Variants in ZC3H12D observed in about 807,000 individuals in gnomAD.
ZC3H12D encodes the protein zinc finger CCCH-type containing 12D.
A neutral mutation model predicts 24.2 loss-of-function variants in ZC3H12D; 11 were observed. The observed-to-expected ratio is 0.46, with a 90% CI of 0.29 to 0.75. ZC3H12D has a LOEUF of 0.75. Among genes scored for constraint, ZC3H12D ranks in the 30% least tolerant of loss-of-function variants. The pLI, the probability that ZC3H12D is intolerant of heterozygous loss-of-function variation, is 0.11. For missense variants in ZC3H12D, 740 were observed against 767.7 expected (o/e 0.96, Z 0.43); for synonymous variants, 333 against 341.8 (o/e 0.97, Z 0.28).
intron 2 of ZC3H12D, among the ~76,000 whole-genome samples, chr6:149,471,664 T>C (rs1282136220): frequency 1.3e-5 from 2 of 152,244 alleles, no homozygotes; most frequent in Non-Finnish European, 2.9e-5. Flanking sequence ...TTGCTGGCTT[T>C]GAAGATAGAA....
At chr6:149,454,270 G>T (rs1433681119) in intron 4 of ZC3H12D, among the ~76,000 whole-genome samples, 5 of 152,226 alleles carry the variant, frequency 3.3e-5, no homozygotes, top group South Asian at 2.1e-4. Context: ...CGCTGAGTGA[G>T]GTCCACTTTT....
chr6:149,450,599 C>G lies in ZC3H12D; in HGVS notation c.*84G>C. ...AAGGGGGCACCATGATGGGCCCACT[C>G]AGGTCCAGGCTGGCAACCACAGGTC... is the stretch of plus-strand genomic sequence containing the variant. On this transcript the variant is annotated 3_prime_UTR_variant, in exon 6 of 6. Coordinates refer to ENST00000409806, the MANE Select transcript of ZC3H12D (RefSeq NM_207360.3). The G allele has an allele frequency of 1.5e-6, 2 of 1,332,562 alleles. No homozygotes were observed. The highest frequency in any genetic ancestry group is 2.0e-6 in the Non-Finnish European group (2 of 1,007,284). The allele number at this position is 1,332,562 out of a possible 1,614,324, so 82.5% of individuals were successfully genotyped here. A position where few individuals can be genotyped will look rare whatever the true frequency, so the allele number is the denominator to read the frequency against.
Position 149,450,659 on chromosome 6 carries a change from T to C in ZC3H12D, c.*24A>G, listed in dbSNP as rs1194196343. 6.7e-6 allele frequency: 10 copies of C among 1,490,690 alleles called. No individual in the cohort carries two copies. The highest frequency in any genetic ancestry group is 9.0e-6 in the Non-Finnish European group (10 of 1,116,652). 92.3% of individuals were successfully genotyped at this position (1,490,690 alleles called of 1,614,324 possible). On this transcript the variant is annotated 3_prime_UTR_variant, in exon 6 of 6. Transcript: ENST00000409806. ...AAGACGCAAGGCGAGGCTGGGCCAT[T>C]CCCTGCAAGTGCGTGTTGGTCCCTT...
chr6:149,459,615 C>G (rs1380774901), intron 3 of ZC3H12D: 1 of 716,398 alleles, frequency 1.4e-6, no homozygotes, highest in Non-Finnish European at 2.6e-6. Flanking sequence ...AACAGGTGAG[C>G]TGAGCTACTC....
rs958319846 is a variant in ZC3H12D, at chr6:149,449,128, G to A, written c.*1555C>T. On this transcript the variant is annotated 3_prime_UTR_variant, in exon 6 of 6. Coordinates refer to ENST00000409806, the MANE Select transcript of ZC3H12D (RefSeq NM_207360.3). Reference sequence around the variant, plus strand: ...TCTGGCAGCACCATCTCACTTCTTAGCCATTGCAAATGAGTAGGCCCTTTC... The same window carrying A: ...TCTGGCAGCACCATCTCACTTCTTAACCATTGCAAATGAGTAGGCCCTTTC... 1 of 152,210 alleles carries A rather than the reference G, an allele frequency of 6.6e-6. No individual in the cohort carries two copies. Among genetic ancestry groups the A allele is most frequent in the Non-Finnish European group, 1.5e-5 (1 of 68,050 alleles). The allele number at this position is 152,210 out of a possible 1,614,324, so 9.4% of individuals were successfully genotyped here.
Position 149,456,984 on chromosome 6 carries a change from C to A in ZC3H12D, c.446-84G>T. ...ACCCCCAACGCGAGGCCACCCGCTT[C>A]CCGGGCCGGTCAGATGAGGTTTTGA... On this transcript the variant is annotated intron_variant, in intron 3 of 5. Transcript: ENST00000409806. The surrounding 1 kb of genome is among the most constrained non-coding windows in gnomAD (Gnocchi z 4.3). 1 of 1,374,386 alleles carries A rather than the reference C, an allele frequency of 7.3e-7. No homozygotes were observed. The highest frequency in any genetic ancestry group is 9.9e-7 in the Non-Finnish European group (1 of 1,006,484). The allele number at this position is 1,374,386 out of a possible 1,614,324, so 85.1% of individuals were successfully genotyped here.
chr6:149,474,793 T>A (rs1344501513), intron 1 of ZC3H12D, among the ~76,000 whole-genome samples, 180 bp from the exon 2 acceptor site: 3 of 152,194 alleles, frequency 2.0e-5, no homozygotes, highest in African/African-American at 7.2e-5. Flanking sequence ...TCACGCTGCT[T>A]TCACAGTGAG....
At chr6:149,457,316 G>A (rs1394800106) in intron 3 of ZC3H12D, among the ~76,000 whole-genome samples, 1 of 152,208 alleles carries the variant, frequency 6.6e-6, no homozygotes, top group East Asian at 1.9e-4. Context: ...CCTTCAGCAT[G>A]ACGGGGAGCC....
At position 149,452,658 on chromosome 6, in the gene ZC3H12D, T is replaced by A; in HGVS notation, c.745A>T (p.Lys249Ter). 6.2e-7 allele frequency: 1 copy of A among 1,607,546 alleles called. No homozygotes were observed. Among genetic ancestry groups the A allele is most frequent in the Non-Finnish European group, 8.5e-7 (1 of 1,177,586 alleles). ...GPSLSNFLSR[K>*]PKPPEPSWQH... ...CAGGATGGCTCTGGGGGCTTCGGCT[T>A]CCTGCTCAGGAAGTTGCTCAGGGAG... The change falls in exon 5 of 6, where the codon AAG becomes TAG. Residue 249 changes from lysine (K) to a stop codon, truncating the protein, a stop_gained. Coordinates refer to ENST00000409806, the MANE Select transcript of ZC3H12D (RefSeq NM_207360.3). LOFTEE classifies it low-confidence loss of function (END_TRUNC). The surrounding 1 kb of genome is among the most constrained non-coding windows in gnomAD (Gnocchi z 4.0).
Position 149,450,519 on chromosome 6 carries a change from C to T in ZC3H12D, c.*164G>A, listed in dbSNP as rs1335241088. The T allele has an allele frequency of 4.0e-6, 3 of 742,712 alleles. No individual in the cohort carries two copies. The highest frequency in any genetic ancestry group is 7.9e-4 in the Middle Eastern group (2 of 2,534). 46.0% of individuals were successfully genotyped at this position (742,712 alleles called of 1,614,324 possible). ...TGAGGATCACCAAGTGCCACCAGGCCCCCACAACCCCGCTCAGGAGGAGGA... is the reference window on the plus strand; with the variant it reads ...TGAGGATCACCAAGTGCCACCAGGCTCCCACAACCCCGCTCAGGAGGAGGA... On this transcript the variant is annotated 3_prime_UTR_variant, in exon 6 of 6. Transcript: ENST00000409806.
intron 4 of ZC3H12D, among the ~76,000 whole-genome samples, chr6:149,454,605 T>C (rs1370368645): frequency 6.6e-6 from 1 of 152,232 alleles, no homozygotes; most frequent in East Asian, 1.9e-4. Flanking sequence ...AAGAGGGCCC[T>C]GTGGACGTGC....
chr6:149,472,584 C>T lies in ZC3H12D; in HGVS notation c.305+1655G>A, dbSNP rs184044654. On this transcript the variant is annotated intron_variant, in intron 2 of 5. Transcript: ENST00000409806. ...GGGGGATCAATGGATGTACCCACGA[C>T]ACATTATGGTCATGTGCAAACAGAG... 2.1e-3 allele frequency among the ~76,000 whole-genome samples: 313 copies of T among 152,128 alleles called. 1 individual carries two copies. Among genetic ancestry groups the T allele is most frequent in the African/African-American group, 7.1e-3 (296 of 41,498 alleles).
chr6:149,450,619 C>G lies in ZC3H12D; in HGVS notation c.*64G>C. ...CCACTCAGGTCCAGGCTGGCAACCA[C>G]AGGTCCACCCGTCCAAGACGCAAGG... On this transcript the variant is annotated 3_prime_UTR_variant, in exon 6 of 6. Coordinates refer to ENST00000409806, the MANE Select transcript of ZC3H12D (RefSeq NM_207360.3). 7.0e-7 allele frequency: 1 copy of G among 1,427,508 alleles called. No individual in the cohort carries two copies. Among genetic ancestry groups the G allele is most frequent in the Non-Finnish European group, 9.2e-7 (1 of 1,083,386 alleles). The allele number at this position is 1,427,508 out of a possible 1,614,324, so 88.4% of individuals were successfully genotyped here. A position where few individuals can be genotyped will look rare whatever the true frequency, so the allele number is the denominator to read the frequency against.
chr6:149,472,836 T>C (rs1360595337), intron 2 of ZC3H12D, among the ~76,000 whole-genome samples: 2 of 152,204 alleles, frequency 1.3e-5, no homozygotes, highest in Non-Finnish European at 2.9e-5. Flanking sequence ...CTTCCTTCTA[T>C]GGAAGCCCAG....
In ZC3H12D at chr6:149,456,763, C is replaced by G; in HGVS notation, c.583G>C (p.Val195Leu). ...AGGTCCCGGTAGTTGTCGTTGGAGACGATGACGCCGTCCTGCTCGTAGGCC... is the reference window on the plus strand; with the variant it reads ...AGGTCCCGGTAGTTGTCGTTGGAGAGGATGACGCCGTCCTGCTCGTAGGCC... ...KVAYEQDGVI[V>L]SNDNYRDLQS... is the part of the protein sequence containing the mutation. The change falls in exon 4 of 6, where the codon GTC becomes CTC. Residue 195 changes from valine to leucine, a missense_variant. By Grantham distance (32) the Val-to-Leu change is conservative. Transcript: ENST00000409806. The surrounding 1 kb of genome is among the most constrained non-coding windows in gnomAD (Gnocchi z 4.3). 3 of 1,613,788 alleles carry G rather than the reference C, an allele frequency of 1.9e-6. No individual in the cohort carries two copies. Among genetic ancestry groups the G allele is most frequent in the Non-Finnish European group, 2.5e-6 (3 of 1,179,808 alleles).
chr6:149,457,066 A>G (rs2744430), intron 3 of ZC3H12D, among the ~76,000 whole-genome samples, 166 bp from the exon 4 acceptor site: 76,299 of 152,086 alleles, frequency 0.5, 19,980 homozygotes, highest in East Asian at 0.74. Context: ...CCTTTCACTC[A>G]ATTTCACTGA....
At chr6:149,459,221 A>G (rs1776034982) in intron 3 of ZC3H12D, among the ~76,000 whole-genome samples, 1 of 152,212 alleles carries the variant, frequency 6.6e-6, no homozygotes, top group African/African-American at 2.4e-5. Flanking sequence ...TTCCCACATT[A>G]TATTTAAGTA....
At chr6:149,465,867 A>T (rs392928) in intron 2 of ZC3H12D, among the ~76,000 whole-genome samples, 16 of 151,572 alleles carry the variant, frequency 1.1e-4, no homozygotes, top group Non-Finnish European at 1.8e-4. Context: ...CCCACCCCCC[A>T]ATTCCAGCTC....
At chr6:149,479,102 G>A (rs1165584326) in intron 1 of ZC3H12D, among the ~76,000 whole-genome samples, 2 of 152,200 alleles carry the variant, frequency 1.3e-5, no homozygotes, top group Non-Finnish European at 2.9e-5. Context: ...GCTTGTGCCT[G>A]TAATCCCAGC....
Sources: allele counts gnomAD v4.1 joint callset (sites outside exome capture counted in the v4.1 genomes callset), GRCh38; gene constraint gnomAD v4.1.1; non-coding constraint Gnocchi (gnomAD v3.1); transcripts MANE v1.5; gene names NCBI Gene and HGNC (gene_info 2026-07-23, HGNC 2026-07-21).